The following UBQLN4 variants were observed in gnomAD, a reference collection of about 807,000 sequenced individuals.
UBQLN4 encodes the protein ubiquilin 4.
In UBQLN4, 11 loss-of-function variants were observed where a neutral mutation model predicts 60.4. The observed-to-expected ratio is 0.18, with a 90% CI of 0.11 to 0.30. UBQLN4 has a LOEUF of 0.30. Among genes scored for constraint, UBQLN4 ranks in the 10% least tolerant of loss-of-function variants. The pLI is 1.00. For missense variants in UBQLN4, 417 were observed against 795.5 expected (o/e 0.52, Z 5.72); for synonymous variants, 258 against 313.1 (o/e 0.82, Z 1.86).
chr1:156,042,078 A>G (rs1683582781), intron 8 of UBQLN4, 75 bp downstream of exon 8: 2 of 1,610,094 alleles, frequency 1.2e-6, no homozygotes, highest in Non-Finnish European at 8.5e-7. Context: ...CTCTGCCCCA[A>G]CTTCATTTCC....
rs189589756 is a variant in UBQLN4 at position 156,050,199 on chromosome 1, T to C, written c.741+92A>G. 326 of 1,466,548 alleles carry C rather than the reference T, an allele frequency of 2.2e-4. 3 individuals carry two copies. The East Asian group carries it at 6.7e-3, about 30-fold the overall frequency. 90.8% of individuals were successfully genotyped at this position (1,466,548 alleles called of 1,614,324 possible). On this transcript the variant is annotated intron_variant, in intron 4 of 10. Transcript: ENST00000368309. This position sits in a 1 kb window ranked among gnomAD's most constrained non-coding sequence, Gnocchi z 4.6. Reference sequence around the variant, plus strand: ...TGTTCAAAACTGCTGAATACACGAATGAACAAATCAATGTAGGACAAAGTA... The same window carrying C: ...TGTTCAAAACTGCTGAATACACGAACGAACAAATCAATGTAGGACAAAGTA...
At position 156,051,756 on chromosome 1, in the gene UBQLN4, G is replaced by A. The variant is rs377134616; in HGVS notation, c.210C>T (p.His70=). 3.3e-5 allele frequency: 53 copies of A among 1,613,992 alleles called. No homozygotes were observed. Among genetic ancestry groups the A allele is most frequent in the Non-Finnish European group, 3.7e-5 (44 of 1,180,016 alleles). The change falls in exon 2 of 11, where the codon CAC becomes CAT. Residue 70 remains histidine (H), a synonymous_variant. Transcript: ENST00000368309. The stretch of plus-strand genomic sequence containing the variant: ...GGACAGTGAGCCCGTCCTTGATTCC[G>A]TGCTGGTTCAGTGTGTCCCCATCCT... ...ILKDGDTLNQ[H]GIKDGLTVHL...
At chr1:156,047,695 A>G (rs1683747320) in intron 5 of UBQLN4, among the ~76,000 whole-genome samples, 1 of 151,234 alleles carries the variant, frequency 6.6e-6, no homozygotes, top group Non-Finnish European at 1.5e-5. Context: ...GGAGATCAAG[A>G]TCATCCTGGC....
Position 156,036,941 on chromosome 1 carries a change from C to A in UBQLN4, c.*37G>T, listed in dbSNP as rs763579364. On this transcript the variant is annotated 3_prime_UTR_variant, in exon 11 of 11. Transcript: ENST00000368309. ...TGACAGAAGAACCGAATGCTGACAT[C>A]GAGGGAGGGGAGAGGCAGGAGGCAT... The A allele has an allele frequency of 1.9e-5, 31 of 1,602,842 alleles. No individual in the cohort carries two copies. The highest frequency in any genetic ancestry group is 2.5e-5 in the Non-Finnish European group (29 of 1,174,790).
At chr1:156,053,368 CA>C (rs986619963) in intron 1 of UBQLN4, among the ~76,000 whole-genome samples, 3 of 152,042 alleles carry the variant, frequency 2.0e-5, no homozygotes, top group Admixed American at 2.0e-4. Flanking sequence ...ACCACGCCCC[CA>C]GGCCACAAGG....
chr1:156,046,480 G>A (rs1312553721), intron 5 of UBQLN4, among the ~76,000 whole-genome samples: 3 of 139,822 alleles, frequency 2.1e-5, no homozygotes, highest in Admixed American at 7.2e-5. Context: ...CCTGGGCAAC[G>A]AGTGAAACTT....
intron 5 of UBQLN4, among the ~76,000 whole-genome samples, chr1:156,047,814 C>A (rs1683753066): frequency 6.7e-6 from 1 of 149,860 alleles, no homozygotes. Flanking sequence ...ATTGCTTGAA[C>A]CCGGGAGGCG....
In UBQLN4 at chr1:156,048,446, G is replaced by T. The variant is rs568094316; in HGVS notation, c.900+55C>A. ...AGGCCCAGGTTTGCCTGGGGTGGGG[G>T]TAGGGAATCTCGAGCCCAGACAGCC... On this transcript the variant is annotated intron_variant, in intron 5 of 10. Transcript: ENST00000368309. The surrounding 1 kb of genome is among the most constrained non-coding windows in gnomAD (Gnocchi z 4.9). 2.6e-4 allele frequency: 408 copies of T among 1,556,318 alleles called. 3 individuals are homozygous for T. The South Asian group carries it at 3.3e-3, about 13-fold the overall frequency.
chr1:156,053,400 G>A (rs1266307101), intron 1 of UBQLN4, among the ~76,000 whole-genome samples, 194 bp downstream of exon 1: 2 of 139,022 alleles, frequency 1.4e-5, no homozygotes, highest in Non-Finnish European at 1.6e-5. Context: ...CCCTCAACAC[G>A]CGCCACGCTC....
intron 5 of UBQLN4, among the ~76,000 whole-genome samples, chr1:156,046,983 C>T (rs1683719477): frequency 6.6e-6 from 1 of 152,050 alleles, no homozygotes; most frequent in Non-Finnish European, 1.5e-5. Flanking sequence ...CTTCAGCATA[C>T]TAGTTACCTC....
At chr1:156,051,967 T>C (rs941446503) in intron 1 of UBQLN4, 110 bp from the exon 2 acceptor site, 3 of 1,384,542 alleles carry the variant, frequency 2.2e-6, no homozygotes, top group Admixed American at 2.1e-5. Flanking sequence ...TCTCTAGTCA[T>C]GGGAAGTCCT....
At chr1:156,033,115 T>G, downstream of UBQLN4, 1 of 734,844 alleles carries the variant, frequency 1.4e-6, no homozygotes, top group Non-Finnish European at 1.7e-6. Context: ...TGTCCATGTT[T>G]TTGCCAATAC....
At chr1:156,037,446 T>A (rs185465299) in intron 10 of UBQLN4, among the ~76,000 whole-genome samples, 3,089 of 151,950 alleles carry the variant, frequency 0.02, 43 homozygotes, top group African/African-American at 0.03. Context: ...ATACAAAAAA[T>A]TCGCTGGGTG....
downstream of UBQLN4, among the ~76,000 whole-genome samples, chr1:156,031,579 T>TC (rs1491046288): frequency 2.3e-4 from 9 of 39,250 alleles, no homozygotes; most frequent in African/African-American, 4.7e-4. Flanking sequence ...AACTTCTTCT[T>TC]TTTTTTTTTT....
At chr1:156,051,578 A>ATAT in intron 2 of UBQLN4, 128 bp downstream of exon 2, 1 of 1,372,466 alleles carries the variant, frequency 7.3e-7, no homozygotes, top group Non-Finnish European at 1.0e-6. Context: ...AGATGAGATC[A>ATAT]TATTCATCCA....
chr1:156,049,014 A>C (rs943439072), intron 4 of UBQLN4, among the ~76,000 whole-genome samples: 7 of 152,254 alleles, frequency 4.6e-5, no homozygotes, highest in Non-Finnish European at 8.8e-5. Flanking sequence ...GAGGCAGAAG[A>C]GAAAATTAAC....
intron 10 of UBQLN4, among the ~76,000 whole-genome samples, chr1:156,041,207 T>C (rs1448371845): frequency 6.6e-6 from 1 of 152,190 alleles, no homozygotes; most frequent in African/African-American, 2.4e-5. Context: ...ATGAGGCTAT[T>C]GTGAGGAATG....
intron 6 of UBQLN4, 113 bp downstream of exon 6, chr1:156,043,885 C>T (rs34673835): frequency 0.18 from 218,215 of 1,199,198 alleles, 21,302 homozygotes; most frequent in Middle Eastern, 0.23. Context: ...TCTGTGGCCT[C>T]GATAGTCTCA....
At chr1:156,039,129 A>G (rs1287370814) in intron 10 of UBQLN4, among the ~76,000 whole-genome samples, 1 of 151,700 alleles carries the variant, frequency 6.6e-6, no homozygotes, top group Admixed American at 6.6e-5. Flanking sequence ...AAATTTTTAC[A>G]GACTGGGTCT....
Sources: allele counts gnomAD v4.1 joint callset (sites outside exome capture counted in the v4.1 genomes callset), GRCh38; gene constraint gnomAD v4.1.1; non-coding constraint Gnocchi (gnomAD v3.1); transcripts MANE v1.5; gene names NCBI Gene and HGNC (gene_info 2026-07-23, HGNC 2026-07-21).